DCLK1: variants seen among roughly 807,000 people sequenced by gnomAD.
DCLK1 encodes doublecortin like kinase 1.
In DCLK1, 16 loss-of-function variants were observed where a neutral mutation model predicts 86.2. That is an observed-to-expected ratio of 0.19 (90% CI 0.13 to 0.28). The LOEUF is 0.28. Ranked by LOEUF, DCLK1 falls within the 10% of genes least tolerant of loss-of-function variation. The pLI, the probability that DCLK1 is intolerant of heterozygous loss-of-function variation, is 1.00. For synonymous variants in DCLK1, 369 were observed against 370.5 expected (o/e 1.00, Z 0.05); for missense variants, 590 against 940.2 (o/e 0.63, Z 4.87).
chr13:35,848,772 C>T, intron 6 of DCLK1: 3 of 985,310 alleles, frequency 3.0e-6, no homozygotes, highest in South Asian at 4.7e-5. Flanking sequence ...TGTTCCACTG[C>T]TTTCTTTGTA....
intron 3 of DCLK1, among the ~76,000 whole-genome samples, chr13:36,100,203 AAAAAAAAAAACC>A (rs1885162585): frequency 7.7e-6 from 1 of 129,466 alleles, no homozygotes; most frequent in African/African-American, 3.0e-5. Context: ...AAAAAAAAAA[AAAAAAAAAAACC>A]ACACACACAC....
intron 4 of DCLK1, among the ~76,000 whole-genome samples, chr13:35,888,354 C>T (rs1291217532): frequency 6.6e-6 from 1 of 152,148 alleles, no homozygotes; most frequent in Non-Finnish European, 1.5e-5. Context: ...ATCTTCAATT[C>T]CAAAGTGAAG....
At chr13:36,002,647 T>G (rs538305636) in intron 3 of DCLK1, among the ~76,000 whole-genome samples, 1 of 152,256 alleles carries the variant, frequency 6.6e-6, no homozygotes, top group African/African-American at 2.4e-5. Flanking sequence ...AAACAAATAT[T>G]GAGGCCAGTA....
intron 4 of DCLK1, among the ~76,000 whole-genome samples, chr13:35,919,339 C>A (rs1875642871): frequency 6.6e-6 from 1 of 152,134 alleles, no homozygotes. Flanking sequence ...CTTGTAGCGT[C>A]TAAGGCAGTG....
intron 3 of DCLK1, among the ~76,000 whole-genome samples, chr13:35,956,025 C>G (rs117972805): frequency 1.5e-3 from 236 of 152,338 alleles, no homozygotes; most frequent in Non-Finnish European, 2.7e-3. Flanking sequence ...TCCTATTCCT[C>G]TGGTTTCTCT....
chr13:35,925,082 C>T (rs1876036767), intron 4 of DCLK1, among the ~76,000 whole-genome samples: 1 of 152,206 alleles, frequency 6.6e-6, no homozygotes, highest in South Asian at 2.1e-4. Context: ...GCTAATAATT[C>T]ACCACCAAAA....
chr13:35,812,428 G>A (rs973210039), intron 11 of DCLK1, among the ~76,000 whole-genome samples: 2 of 152,198 alleles, frequency 1.3e-5, no homozygotes, highest in African/African-American at 4.8e-5. Context: ...GTGATCATCT[G>A]TTACTTGCTG....
At chr13:35,960,763 A>G (rs922068640) in intron 3 of DCLK1, among the ~76,000 whole-genome samples, 1 of 152,206 alleles carries the variant, frequency 6.6e-6, no homozygotes, top group Non-Finnish European at 1.5e-5. Context: ...GGCCAAAAAA[A>G]AATCAGAGCT....
chr13:36,033,568 C>T (rs144591177), intron 3 of DCLK1, among the ~76,000 whole-genome samples: 168 of 152,108 alleles, frequency 1.1e-3, no homozygotes, highest in Admixed American at 4.1e-3. Context: ...CCATATGGGA[C>T]GGCTGTAGGG....
chr13:35,870,696 A>G (rs1249623523), intron 5 of DCLK1, among the ~76,000 whole-genome samples: 2 of 152,334 alleles, frequency 1.3e-5, no homozygotes, highest in South Asian at 2.1e-4. Flanking sequence ...TTGTGCATAC[A>G]CAGCCTCTCC....
At position 35,979,277 on chromosome 13, in the gene DCLK1, C is replaced by T. The variant is rs180773219; in HGVS notation, c.724-31820G>A. Among the ~76,000 whole-genome samples, 387 of 152,220 alleles carry T rather than the reference C, an allele frequency of 2.5e-3. 1 individual carries two copies. Among genetic ancestry groups the T allele is most frequent in the Non-Finnish European group, 4.7e-3 (318 of 68,026 alleles). On this transcript the variant is annotated intron_variant, in intron 3 of 16. Transcript: ENST00000360631. Reference sequence around the variant, plus strand: ...CTATTAAAAGTAAAAGAATACAGCCCGGGATTCAGAAGACCCGGCCGGGGA... The same window carrying T: ...CTATTAAAAGTAAAAGAATACAGCCTGGGATTCAGAAGACCCGGCCGGGGA...
intron 3 of DCLK1, among the ~76,000 whole-genome samples, chr13:36,098,617 C>A (rs1195087689): frequency 6.6e-6 from 1 of 152,170 alleles, no homozygotes; most frequent in Non-Finnish European, 1.5e-5. Flanking sequence ...CAAAATAGAT[C>A]CACATTTCCT....
intron 1 of DCLK1, among the ~76,000 whole-genome samples, chr13:36,129,261 C>T (rs1336266060): frequency 2.6e-5 from 4 of 152,126 alleles, no homozygotes; most frequent in Non-Finnish European, 4.4e-5. Flanking sequence ...CCTGGGGGAA[C>T]GGGCTTTTAG....
At chr13:35,855,427 G>A in intron 5 of DCLK1, 1 of 1,362,740 alleles carries the variant, frequency 7.3e-7, no homozygotes, top group Non-Finnish European at 1.0e-6. Context: ...CAGTGAAGTA[G>A]AATTAACCAG....
chr13:35,879,109 C>G (rs994655178), intron 4 of DCLK1, among the ~76,000 whole-genome samples: 2 of 152,086 alleles, frequency 1.3e-5, no homozygotes, highest in East Asian at 3.9e-4. Flanking sequence ...ATATAAAACA[C>G]AAAAGTGAAA....
chr13:35,937,427 C>CGGGGAGGAGGGAGTGAGCA (rs1711913827), intron 4 of DCLK1, among the ~76,000 whole-genome samples: 1 of 152,118 alleles, frequency 6.6e-6, no homozygotes, highest in Non-Finnish European at 1.5e-5. Context: ...ATCAAAACAG[C>CGGGGAGGAGGGAGTGAGCA]GGGGAGGAGG....
At chr13:35,944,283 C>T (rs1244003680) in intron 4 of DCLK1, among the ~76,000 whole-genome samples, 4 of 152,158 alleles carry the variant, frequency 2.6e-5, no homozygotes, top group Non-Finnish European at 5.9e-5. Context: ...AAAGTGCCGC[C>T]TTGTGGCAAA....
intron 3 of DCLK1, among the ~76,000 whole-genome samples, chr13:36,044,567 ATAGGTACAT>A (rs1211289601): frequency 6.6e-6 from 1 of 152,154 alleles, no homozygotes; most frequent in Non-Finnish European, 1.5e-5. Flanking sequence ...CAAGAAACAG[ATAGGTACAT>A]AGAAAACTCA....
chr13:35,814,241 C>T (rs1328131613), intron 11 of DCLK1, among the ~76,000 whole-genome samples: 2 of 152,190 alleles, frequency 1.3e-5, no homozygotes, highest in Admixed American at 6.5e-5. Flanking sequence ...TTGCTAAATA[C>T]ACCCATTTAA....
Sources: gnomAD v4.1 joint callset for allele counts (sites outside exome capture counted in the v4.1 genomes callset) on GRCh38, gnomAD v4.1.1 for gene constraint, MANE v1.5 for transcripts, NCBI Gene and HGNC (gene_info 2026-07-23, HGNC 2026-07-21) for gene names.